The following IMPG1 variants were observed in gnomAD, a reference collection of about 807,000 sequenced individuals.
The protein encoded by IMPG1 is interphotoreceptor matrix proteoglycan of 150 kDa.
A neutral mutation model predicts 92.0 loss-of-function variants in IMPG1; 85 were observed. The observed-to-expected ratio is 0.92, with a 90% CI of 0.78 to 1.11. The LOEUF is 1.11. Among genes scored for constraint, IMPG1 ranks in the 50% least tolerant of loss-of-function variants. The probability of loss-of-function intolerance (pLI) is 0.00; values close to 1 mark genes in which losing one functional copy is unlikely to be tolerated. For synonymous variants in IMPG1, 367 were observed against 334.1 expected (o/e 1.10, Z -1.08); for missense variants, 1,022 against 956.0 (o/e 1.07, Z -0.91).
chr6:76,051,757 C>T (rs1456706540), intron 1 of IMPG1, among the ~76,000 whole-genome samples: 1 of 152,042 alleles, frequency 6.6e-6, no homozygotes, highest in South Asian at 2.1e-4. Flanking sequence ...AGCAGTAATC[C>T]CTGCTGAGGA....
chr6:76,052,997 C>T (rs914048094), intron 1 of IMPG1, among the ~76,000 whole-genome samples: 1 of 152,126 alleles, frequency 6.6e-6, no homozygotes, highest in African/African-American at 2.4e-5. Flanking sequence ...TTTCCATACC[C>T]CTCCATCATC....
At chr6:76,054,858 G>T (rs10943302) in intron 1 of IMPG1, among the ~76,000 whole-genome samples, 43,054 of 151,954 alleles carry the variant, frequency 0.28, 6,284 homozygotes, top group Middle Eastern at 0.33. Flanking sequence ...AAGACAGACA[G>T]GTCACAATGA....
intron 14 of IMPG1, among the ~76,000 whole-genome samples, chr6:75,942,193 A>C (rs1308025911): frequency 6.6e-6 from 1 of 152,228 alleles, no homozygotes; most frequent in African/African-American, 2.4e-5. Flanking sequence ...TCCTAGAGAC[A>C]AAGCTAAGTA....
At chr6:76,048,366 G>T (rs1352450397) in intron 1 of IMPG1, among the ~76,000 whole-genome samples, 1 of 152,128 alleles carries the variant, frequency 6.6e-6, no homozygotes, top group Non-Finnish European at 1.5e-5. Context: ...TCTCTTAGCT[G>T]ATGAGTTTGC....
intron 14 of IMPG1, among the ~76,000 whole-genome samples, chr6:75,946,832 T>C (rs1289800820): frequency 6.6e-6 from 1 of 152,226 alleles, no homozygotes; most frequent in Non-Finnish European, 1.5e-5. Context: ...ATCTAATGAT[T>C]ATTTTTCTTT....
At chr6:75,959,302 C>T (rs886474136) in intron 12 of IMPG1, among the ~76,000 whole-genome samples, 4 of 152,114 alleles carry the variant, frequency 2.6e-5, no homozygotes, top group East Asian at 1.9e-4. Context: ...AGGTGTCTGT[C>T]GACCCCTGCT....
intron 13 of IMPG1, among the ~76,000 whole-genome samples, chr6:75,949,948 CATTTCTTATTGTATATGT>C (rs1419500920): frequency 2.1e-4 from 32 of 152,228 alleles, no homozygotes; most frequent in African/African-American, 6.5e-4. Flanking sequence ...CATAGTTCAA[CATTTCTTATTGTATATGT>C]ATTTCTTATT....
At chr6:75,935,875 G>C (rs1287303990) in intron 14 of IMPG1, among the ~76,000 whole-genome samples, 1 of 152,146 alleles carries the variant, frequency 6.6e-6, no homozygotes, top group Non-Finnish European at 1.5e-5. Context: ...TCTTAATGAG[G>C]CCCTGGTAGT....
chr6:76,036,620 C>G (rs375357784), intron 2 of IMPG1, among the ~76,000 whole-genome samples: 3 of 152,080 alleles, frequency 2.0e-5, no homozygotes, highest in East Asian at 3.9e-4. Flanking sequence ...TTAGAGCAAT[C>G]AATAACAAAT....
chr6:75,973,349 G>A (rs74382174), intron 12 of IMPG1, among the ~76,000 whole-genome samples: 2,899 of 149,600 alleles, frequency 0.019, 77 homozygotes, highest in East Asian at 0.079. Flanking sequence ...AGAGGAAAAT[G>A]GCATTGGATT....
At position 75,950,914 on chromosome 6, in the gene IMPG1, T is replaced by C. The variant is rs575857764; in HGVS notation, c.1472A>G (p.Gln491Arg). ...TGGATGTGAAATTCCCAGAGCCAGT[T>C]GGCTGATTGCAGAATAATCACTGGT... ...IPTSDYSAIS[Q>R]LALGISHPPA... Residue 491 changes from glutamine (Q) to arginine (R), a missense_variant, in exon 13 of 17, where the codon CAA becomes CGA. By Grantham distance (43) the Gln-to-Arg change is conservative (BLOSUM62 1). Around this residue, in one of 3 missense-constraint regions of IMPG1, gnomAD observed 681 missense variants for 583.6 expected, o/e 1.17. Transcript: ENST00000369950. 3 of 1,614,016 alleles carry C rather than the reference T, an allele frequency of 1.9e-6. No homozygotes were observed. In the African/African-American group the frequency reaches 4.0e-5, roughly 22 times the overall value.
At chr6:75,945,355 T>TTC (rs1317573866) in intron 14 of IMPG1, among the ~76,000 whole-genome samples, 45 of 147,522 alleles carry the variant, frequency 3.1e-4, no homozygotes, top group African/African-American at 1.1e-3. Context: ...CTTTTTTTTT[T>TTC]TTCTTTTTTT....
At chr6:76,050,332 A>T (rs1784019849) in intron 1 of IMPG1, among the ~76,000 whole-genome samples, 1 of 152,210 alleles carries the variant, frequency 6.6e-6, no homozygotes, top group Middle Eastern at 3.4e-3. Context: ...AATCCCAGCT[A>T]CTTGGGAGGC....
At chr6:76,019,325 T>C (rs1358264346) in intron 6 of IMPG1, among the ~76,000 whole-genome samples, 1 of 152,188 alleles carries the variant, frequency 6.6e-6, no homozygotes, top group East Asian at 1.9e-4. Context: ...AACTTGGGTT[T>C]GACAGAGTTT....
At chr6:75,955,902 T>G (rs1475156063) in intron 12 of IMPG1, among the ~76,000 whole-genome samples, 2 of 152,228 alleles carry the variant, frequency 1.3e-5, no homozygotes, top group African/African-American at 4.8e-5. Context: ...TGGGATACGT[T>G]TATTGATTTG....
intron 6 of IMPG1, among the ~76,000 whole-genome samples, chr6:76,019,597 C>T (rs1364136720): frequency 6.6e-6 from 1 of 152,132 alleles, no homozygotes; most frequent in Non-Finnish European, 1.5e-5. Context: ...AATACTACAG[C>T]CTCTCTCTAA....
chr6:75,992,770 C>T (rs1782834614), intron 12 of IMPG1, among the ~76,000 whole-genome samples: 1 of 152,178 alleles, frequency 6.6e-6, no homozygotes, highest in Admixed American at 6.5e-5. Context: ...GAAACTCACT[C>T]CAGTCTCTGC....
intron 12 of IMPG1, among the ~76,000 whole-genome samples, chr6:75,954,082 CAT>C (rs781709427): frequency 1.8e-4 from 28 of 152,064 alleles, no homozygotes; most frequent in Admixed American, 5.9e-4. Context: ...TACCTGTGCA[CAT>C]GTCTTTATAG....
At chr6:76,016,982 A>G (rs534352347) in intron 7 of IMPG1, among the ~76,000 whole-genome samples, 3 of 152,182 alleles carry the variant, frequency 2.0e-5, no homozygotes, top group Non-Finnish European at 4.4e-5. Flanking sequence ...TGTGAAAGCA[A>G]TGAGTGAGCC....
Sources: allele counts gnomAD v4.1 joint callset (sites outside exome capture counted in the v4.1 genomes callset), GRCh38; gene constraint gnomAD v4.1.1; regional missense constraint gnomAD v4.1.1; transcripts MANE v1.5; gene names NCBI Gene and HGNC (gene_info 2026-07-23, HGNC 2026-07-21).